Variants in PCDHA9 observed in about 807,000 individuals in gnomAD.
PCDHA9 encodes the protein protocadherin alpha 9, also known as protocadherin alpha-9.
A neutral mutation model predicts 62.0 loss-of-function variants in PCDHA9; 62 were observed. The ratio of observed to expected loss-of-function variants is 1.00; its 90% CI spans 0.81 to 1.23. The LOEUF (loss-of-function observed/expected upper bound fraction) is 1.23, where lower values mean the gene tolerates loss of function less well. PCDHA9 is among the 50% of genes most tolerant of loss of function. PCDHA9 has a pLI of 0.00. For synonymous variants in PCDHA9, 557 were observed against 567.6 expected (o/e 0.98, Z 0.27); for missense variants, 1,205 against 1,249.8 (o/e 0.96, Z 0.54).
chr5:140,881,039 A>G (rs1554171692), intron 1 of PCDHA9, among the ~76,000 whole-genome samples: 1 of 152,262 alleles, frequency 6.6e-6, no homozygotes, highest in Non-Finnish European at 1.5e-5. Context: ...CATTTCCTAT[A>G]GAGTTGTGCA....
intron 1 of PCDHA9, among the ~76,000 whole-genome samples, chr5:140,897,278 A>C (rs993702418): frequency 1.1e-4 from 16 of 151,088 alleles, no homozygotes; most frequent in Non-Finnish European, 1.8e-4. Context: ...GGTGTGCTGC[A>C]CCCATTAACT....
chr5:140,882,985 C>T (rs1554176359), intron 1 of PCDHA9: 14 of 1,614,110 alleles, frequency 8.7e-6, no homozygotes, highest in Non-Finnish European at 1.1e-5. Flanking sequence ...ATGACAACGC[C>T]CCGGAATTTT....
intron 1 of PCDHA9, chr5:140,877,293 G>C (rs782717737): frequency 1.2e-6 from 2 of 1,613,936 alleles, no homozygotes; most frequent in Non-Finnish European, 1.7e-6. Context: ...ACGCTTGGCT[G>C]TCCTACGAGT....
intron 1 of PCDHA9, chr5:140,865,048 T>A (rs2048709545): frequency 1.3e-5 from 2 of 152,178 alleles, no homozygotes; most frequent in Admixed American, 1.3e-4. Flanking sequence ...AAAAATGTCA[T>A]TGTTTTTAAT....
chr5:140,967,748 G>T, intron 1 of PCDHA9: 1 of 1,614,204 alleles, frequency 6.2e-7, no homozygotes, highest in Non-Finnish European at 8.5e-7. Context: ...TTATGAGGAA[G>T]CCTCCTCCTA....
chr5:140,999,459 T>C (rs2097858774), intron 3 of PCDHA9, among the ~76,000 whole-genome samples: 1 of 152,138 alleles, frequency 6.6e-6, no homozygotes, highest in Non-Finnish European at 1.5e-5. Flanking sequence ...AACGAATAAG[T>C]GGTGAAGCAG....
chr5:140,850,924 T>A (rs2150502629), intron 1 of PCDHA9, 35 bp downstream of exon 1: 3 of 1,517,174 alleles, frequency 2.0e-6, no homozygotes, highest in Non-Finnish European at 1.8e-6. Flanking sequence ...ATTTATATAA[T>A]TTTTTTTCTT....
At chr5:140,985,317 A>C (rs1457089100) in intron 3 of PCDHA9, among the ~76,000 whole-genome samples, 1 of 152,134 alleles carries the variant, frequency 6.6e-6, no homozygotes, top group Non-Finnish European at 1.5e-5. Flanking sequence ...TGGTGGCCAG[A>C]ATTCAGTAGT....
chr5:140,858,291 A>C (rs782112368), intron 1 of PCDHA9: 1 of 1,597,182 alleles, frequency 6.3e-7, no homozygotes, highest in South Asian at 1.1e-5. Flanking sequence ...AGCTGGTCTT[A>C]CTCGCAGCAG....
At chr5:140,883,615 C>A in intron 1 of PCDHA9, 2 of 1,613,938 alleles carry the variant, frequency 1.2e-6, no homozygotes, top group East Asian at 2.2e-5. Flanking sequence ...CCGACGTGAA[C>A]GACAACGCGC....
intron 1 of PCDHA9, chr5:140,868,028 G>A (rs1380913243): frequency 2.0e-5 from 3 of 152,006 alleles, no homozygotes; most frequent in Non-Finnish European, 4.4e-5. Flanking sequence ...ACCAATGTTG[G>A]TGACTTGGAA....
chr5:140,976,171 A>T (rs1356953697), intron 1 of PCDHA9, among the ~76,000 whole-genome samples: 1 of 152,218 alleles, frequency 6.6e-6, no homozygotes, highest in African/African-American at 2.4e-5. Flanking sequence ...TTAGTTTTGT[A>T]TTGTTTTAAA....
chr5:140,939,789 A>G (rs1259994967), intron 1 of PCDHA9, among the ~76,000 whole-genome samples: 1 of 152,246 alleles, frequency 6.6e-6, no homozygotes, highest in Non-Finnish European at 1.5e-5. Context: ...GTCAATTTCT[A>G]TAAATGTTCT....
chr5:140,908,904 G>A (rs1467772032), intron 1 of PCDHA9, among the ~76,000 whole-genome samples: 2 of 152,194 alleles, frequency 1.3e-5, no homozygotes, highest in Non-Finnish European at 1.5e-5. Flanking sequence ...AGCCTCTTTC[G>A]TGGTTGTAGG....
chr5:140,850,843 C>T lies in PCDHA9; in HGVS notation c.2348C>T (p.Thr783Ile). 6.3e-7 allele frequency: 1 copy of T among 1,597,346 alleles called. No individual in the cohort carries two copies. Among genetic ancestry groups the T allele is most frequent in the African/African-American group, 1.3e-5 (1 of 74,460 alleles). Residue 783 changes from threonine (T) to isoleucine (I), a missense_variant, in exon 1 of 4, where the codon ACA becomes ATA. Physicochemically the swap from Thr to Ile is moderately conservative, Grantham distance 89. Around this residue, in one of 3 missense-constraint regions of PCDHA9, gnomAD observed 887 missense variants for 809.5 expected, o/e 1.10. Transcript: ENST00000532602. ...SPGLSPCAGS[T>I]ERTGEPSASS... ...GGCCTTTCTCCTTGTGCTGGATCTA[C>T]AGAGCGAACGGGAGAACCCTCTGCT... is the stretch of plus-strand genomic sequence containing the variant.
chr5:140,916,142 T>C (rs868910993), intron 1 of PCDHA9, among the ~76,000 whole-genome samples: 2 of 151,944 alleles, frequency 1.3e-5, no homozygotes, highest in African/African-American at 4.8e-5. Context: ...GGCTGTTCAG[T>C]TGTGTTGTGG....
Position 141,010,422 on chromosome 5 carries a change from G to A in PCDHA9, c.*485G>A. The A allele has an allele frequency of 8.7e-7, 1 of 1,145,442 alleles. No homozygotes were observed. Among genetic ancestry groups the A allele is most frequent in the Non-Finnish European group, 1.2e-6 (1 of 836,490 alleles). The allele number at this position is 1,145,442 out of a possible 1,614,324, so 71.0% of individuals were successfully genotyped here. A position where few individuals can be genotyped will look rare whatever the true frequency, so the allele number is the denominator to read the frequency against. On this transcript the variant is annotated 3_prime_UTR_variant, in exon 4 of 4. Transcript: ENST00000532602. ...AGCTTAGACTAATTGGTACAAGGAA[G>A]GCAAGAAAACAAAGACAAATAAACA... is the stretch of plus-strand genomic sequence containing the variant.
In PCDHA9 at chr5:140,848,467, A is replaced by C; in HGVS notation, c.-29A>C. On this transcript the variant is annotated 5_prime_UTR_variant, in exon 1 of 4. Transcript: ENST00000532602. Reference sequence around the variant, plus strand: ...TTCTTCTAATTTGGAGGCAATTTTCACTAATTAGAAGAAGACTGAGTATTT... The same window carrying C: ...TTCTTCTAATTTGGAGGCAATTTTCCCTAATTAGAAGAAGACTGAGTATTT... 6.5e-7 allele frequency: 1 copy of C among 1,545,570 alleles called. No homozygotes were observed. Among genetic ancestry groups the C allele is most frequent in the Non-Finnish European group, 8.8e-7 (1 of 1,138,316 alleles).
chr5:140,912,163 G>T (rs1018826504), intron 1 of PCDHA9, among the ~76,000 whole-genome samples: 4 of 152,092 alleles, frequency 2.6e-5, no homozygotes, highest in African/African-American at 9.7e-5. Context: ...TTTTATTCTG[G>T]CTGTGCTGGC....
Sources: allele counts gnomAD v4.1 joint callset (sites outside exome capture counted in the v4.1 genomes callset), GRCh38; gene constraint gnomAD v4.1.1; regional missense constraint gnomAD v4.1.1; transcripts MANE v1.5; gene names NCBI Gene and HGNC (gene_info 2026-07-23, HGNC 2026-07-21).